The following ADAMTSL1 variants were observed in gnomAD, a reference collection of about 807,000 sequenced individuals.
ADAMTSL1 encodes the protein ADAMTS-like protein 1.
In ADAMTSL1, 126 loss-of-function variants were observed where a neutral mutation model predicts 201.8. That is an observed-to-expected ratio of 0.62 (90% confidence interval 0.54 to 0.72). ADAMTSL1 has a LOEUF of 0.72. Among genes scored for constraint, ADAMTSL1 ranks in the 30% least tolerant of loss-of-function variants. ADAMTSL1 has a pLI of 0.00. For synonymous variants in ADAMTSL1, 1,121 were observed against 903.4 expected, an observed-to-expected ratio of 1.24 and a Z score of -4.32; for missense variants, 2,679 against 2,277.8, an observed-to-expected ratio of 1.18 and a Z score of -3.59.
At chr9:18,747,489 ACT>A (rs1819216119) in intron 15 of ADAMTSL1, among the ~76,000 whole-genome samples, 1 of 151,756 alleles carries the variant, frequency 6.6e-6, no homozygotes. Context: ...CTTGGGTGTG[ACT>A]CTGGTGGCAT....
At chr9:18,745,173 T>G (rs1442122117) in intron 15 of ADAMTSL1, among the ~76,000 whole-genome samples, 1 of 152,186 alleles carries the variant, frequency 6.6e-6, no homozygotes, top group East Asian at 1.9e-4. Flanking sequence ...CCCACTAGAT[T>G]TAATATTGAT....
intron 4 of ADAMTSL1, among the ~76,000 whole-genome samples, chr9:18,599,009 T>TG (rs919786714): frequency 2.0e-5 from 3 of 152,106 alleles, no homozygotes; most frequent in African/African-American, 7.2e-5. Context: ...GTTCTCATGG[T>TG]GGGGGAGGAT....
At chr9:18,274,223 A>T (rs1236867658) in intron 2 of ADAMTSL1, among the ~76,000 whole-genome samples, 1 of 152,222 alleles carries the variant, frequency 6.6e-6, no homozygotes, top group Admixed American at 6.5e-5. Context: ...ATCGCTACGC[A>T]TGGTTTATTT....
chr9:18,290,781 GT>G (rs71492936), intron 2 of ADAMTSL1, among the ~76,000 whole-genome samples: 85 of 135,104 alleles, frequency 6.3e-4, no homozygotes, highest in Non-Finnish European at 3.0e-4. Context: ...TTTTTTGTGT[GT>G]TTTTTTTTTT....
At position 18,605,374 on chromosome 9, in the gene ADAMTSL1, G is replaced by C. The variant is rs77009862; in HGVS notation, c.475-16869G>C. Reference sequence around the variant, plus strand: ...AATATCCAATTAGGACCAAGCGCTGGCATTGTAGATGAAAAAGCGGTTATG... The same window carrying C: ...AATATCCAATTAGGACCAAGCGCTGCCATTGTAGATGAAAAAGCGGTTATG... On this transcript the variant is annotated intron_variant, in intron 4 of 28. Transcript: ENST00000380548. Among the ~76,000 whole-genome samples, 523 of 152,290 alleles carry C rather than the reference G, an allele frequency of 3.4e-3. 1 individual carries two copies. The highest frequency in any genetic ancestry group is 0.012 in the African/African-American group (509 of 41,574).
At chr9:18,049,603 T>C (rs1380921568) in intron 1 of ADAMTSL1, among the ~76,000 whole-genome samples, 1 of 151,084 alleles carries the variant, frequency 6.6e-6, no homozygotes, top group African/African-American at 2.4e-5. Context: ...AGGCTTCCTG[T>C]CTTCGACTTC....
intron 3 of ADAMTSL1, among the ~76,000 whole-genome samples, chr9:18,565,643 A>C (rs1587583712): frequency 6.6e-6 from 1 of 151,298 alleles, no homozygotes; most frequent in Non-Finnish European, 1.5e-5. Flanking sequence ...TTTACCTGCT[A>C]TGGCACCATC....
chr9:18,629,080 A>G (rs1740855886), intron 5 of ADAMTSL1, among the ~76,000 whole-genome samples: 1 of 152,228 alleles, frequency 6.6e-6, no homozygotes, highest in Non-Finnish European at 1.5e-5. Context: ...TCACAGAAAC[A>G]TGATTGATTT....
At chr9:18,355,449 G>T (rs1836177499) in intron 2 of ADAMTSL1, among the ~76,000 whole-genome samples, 3 of 152,126 alleles carry the variant, frequency 2.0e-5, no homozygotes, top group Non-Finnish European at 4.4e-5. Flanking sequence ...ATCCCTCTCA[G>T]TTGTCATTCC....
At chr9:18,823,517 T>C (rs1309075314) in intron 21 of ADAMTSL1, among the ~76,000 whole-genome samples, 1 of 152,154 alleles carries the variant, frequency 6.6e-6, no homozygotes, top group Non-Finnish European at 1.5e-5. Flanking sequence ...CTTCCATCCC[T>C]GGGTTCTCTC....
intron 9 of ADAMTSL1, among the ~76,000 whole-genome samples, chr9:18,666,821 A>G (rs1052863950): frequency 7.9e-5 from 12 of 152,170 alleles, no homozygotes; most frequent in African/African-American, 2.9e-4. Context: ...GCAGCTTTAG[A>G]TGTAAAATAT....
At chr9:17,953,711 G>T (rs901149375) in intron 1 of ADAMTSL1, among the ~76,000 whole-genome samples, 7 of 152,148 alleles carry the variant, frequency 4.6e-5, no homozygotes. Context: ...AAAAGGATAT[G>T]CTTGTATGTG....
intron 7 of ADAMTSL1, among the ~76,000 whole-genome samples, chr9:18,641,552 A>G (rs1026482602): frequency 6.6e-6 from 1 of 152,052 alleles, no homozygotes; most frequent in Non-Finnish European, 1.5e-5. Context: ...TGTTGCTTCT[A>G]AGAGTATATA....
At chr9:18,528,178 C>A (rs1051102534) in intron 2 of ADAMTSL1, among the ~76,000 whole-genome samples, 6 of 152,038 alleles carry the variant, frequency 3.9e-5, no homozygotes, top group Admixed American at 6.6e-5. Context: ...ACACCTGGCC[C>A]ATTTTTTTAT....
Position 18,636,018 on chromosome 9 carries a change from G to A in ADAMTSL1, c.676+1G>A. 1 of 1,582,200 alleles carries A rather than the reference G, an allele frequency of 6.3e-7. No homozygotes were observed. On this transcript the variant is annotated splice_donor_variant, in intron 6 of 28. Coordinates refer to ENST00000380548, the MANE Select transcript of ADAMTSL1 (RefSeq NM_001040272.6). LOFTEE classifies it high-confidence loss of function. ...GTCTTAAAAGGTCCTGATCACTTAT[G>A]TAAGTAACTCCATTGTTTTCCTTTG...
intron 1 of ADAMTSL1, among the ~76,000 whole-genome samples, chr9:18,077,865 G>A (rs78825711): frequency 0.038 from 5,709 of 152,230 alleles, 331 homozygotes; most frequent in African/African-American, 0.13. Context: ...CTTTTATGCA[G>A]GAGTTGTCTT....
chr9:18,022,968 A>G (rs1465501192), intron 1 of ADAMTSL1, among the ~76,000 whole-genome samples: 1 of 151,724 alleles, frequency 6.6e-6, no homozygotes, highest in African/African-American at 2.4e-5. Flanking sequence ...CTTTTCTCTT[A>G]CCCTCTTCCT....
intron 23 of ADAMTSL1, among the ~76,000 whole-genome samples, chr9:18,831,175 A>T (rs561088901): frequency 6.6e-6 from 1 of 152,360 alleles, no homozygotes; most frequent in South Asian, 2.1e-4. Flanking sequence ...GACTTGAGTA[A>T]AAATAAGACA....
chr9:18,517,667 T>C (rs1037132180), intron 2 of ADAMTSL1, among the ~76,000 whole-genome samples: 1 of 150,964 alleles, frequency 6.6e-6, no homozygotes, highest in Non-Finnish European at 1.5e-5. Flanking sequence ...GATTATGCAG[T>C]GTTTGGTTTT....
Sources: gnomAD v4.1 joint callset for allele counts (sites outside exome capture counted in the v4.1 genomes callset) on GRCh38, gnomAD v4.1.1 for gene constraint, MANE v1.5 for transcripts, NCBI Gene and HGNC (gene_info 2026-07-23, HGNC 2026-07-21) for gene names.